The following TMEM132D variants were observed in gnomAD, a reference collection of about 807,000 sequenced individuals.
TMEM132D encodes transmembrane protein 132D, also known as mature OL transmembrane protein.
TMEM132D carries 21 observed loss-of-function variants against 62.3 expected under a neutral mutation model. The ratio of observed to expected loss-of-function variants is 0.34; its 90% CI spans 0.24 to 0.49. The LOEUF is 0.49. Among genes scored for constraint, TMEM132D ranks in the 20% least tolerant of loss-of-function variants. TMEM132D has a pLI of 0.99. For synonymous variants in TMEM132D, 621 were observed against 575.6 expected, an observed-to-expected ratio of 1.08 and a Z score of -1.13; for missense variants, 1,346 against 1,402.8, an observed-to-expected ratio of 0.96 and a Z score of 0.65.
chr12:129,244,364 C>A (rs7979189), intron 4 of TMEM132D, among the ~76,000 whole-genome samples: 1 of 135,578 alleles, frequency 7.4e-6, no homozygotes, highest in African/African-American at 2.8e-5. Context: ...CCAGCCTGGG[C>A]GACAGAGCGA....
intron 3 of TMEM132D, among the ~76,000 whole-genome samples, chr12:129,492,999 T>A (rs1192943396): frequency 3.3e-5 from 5 of 152,070 alleles, no homozygotes; most frequent in African/African-American, 1.2e-4. Context: ...CTGAGAATAA[T>A]TAAGCTGACA....
intron 2 of TMEM132D, among the ~76,000 whole-genome samples, chr12:129,535,770 TTGTGTGCGTGTG>T (rs1292955158): frequency 0.02 from 2,475 of 122,966 alleles, 72 homozygotes; most frequent in African/African-American, 0.07. Flanking sequence ...CATTTAAGAT[TTGTGTGCGTGTG>T]TGTGTGTGTG....
At chr12:129,314,370 G>T (rs1290442348) in intron 4 of TMEM132D, among the ~76,000 whole-genome samples, 1 of 152,158 alleles carries the variant, frequency 6.6e-6, no homozygotes, top group East Asian at 1.9e-4. Context: ...GTTGAAAAGG[G>T]TGTCCTTTCC....
At chr12:129,901,869 CG>C (rs151176375) in intron 1 of TMEM132D, among the ~76,000 whole-genome samples, 16,941 of 102,598 alleles carry the variant, frequency 0.17, 976 homozygotes, top group Middle Eastern at 0.35. Flanking sequence ...CAACCCCCCC[CG>C]CCCCAAAAAA....
chr12:129,573,031 A>G (rs1877560749), intron 2 of TMEM132D, among the ~76,000 whole-genome samples: 1 of 152,170 alleles, frequency 6.6e-6, no homozygotes, highest in Admixed American at 6.5e-5. Context: ...TTGGAATATT[A>G]CTCATATGCT....
chr12:129,765,652 C>T (rs59988670), intron 1 of TMEM132D, among the ~76,000 whole-genome samples: 1,889 of 152,130 alleles, frequency 0.012, 38 homozygotes, highest in African/African-American at 0.043. Flanking sequence ...TCCCTCTTCC[C>T]ATCTCCTTTT....
At chr12:129,418,660 T>A (rs1006334618) in intron 3 of TMEM132D, among the ~76,000 whole-genome samples, 5 of 152,106 alleles carry the variant, frequency 3.3e-5, no homozygotes, top group Admixed American at 2.6e-4. Flanking sequence ...CAAACCACCA[T>A]GGCACATGTA....
At chr12:129,403,396 A>C (rs1247105767) in intron 3 of TMEM132D, among the ~76,000 whole-genome samples, 1 of 151,610 alleles carries the variant, frequency 6.6e-6, no homozygotes, top group Non-Finnish European at 1.5e-5. Flanking sequence ...AGCAAGGACT[A>C]AACTTGCAAC....
chr12:129,680,632 C>A (rs888562504), intron 2 of TMEM132D, among the ~76,000 whole-genome samples: 20 of 152,114 alleles, frequency 1.3e-4, no homozygotes, highest in African/African-American at 4.6e-4. Flanking sequence ...AACTGTTATA[C>A]CCTCATAGCC....
intron 3 of TMEM132D, among the ~76,000 whole-genome samples, chr12:129,526,242 T>C (rs1363593772): frequency 6.6e-6 from 1 of 152,150 alleles, no homozygotes. Context: ...ATTGACAAAA[T>C]AGAGGTTGCT....
At chr12:129,879,255 C>T (rs1874521927) in intron 1 of TMEM132D, among the ~76,000 whole-genome samples, 2 of 152,160 alleles carry the variant, frequency 1.3e-5, no homozygotes, top group African/African-American at 4.8e-5. Context: ...ACATTAGAGT[C>T]AGATGGGAAG....
At chr12:129,552,432 TATCC>T (rs1876925309) in intron 2 of TMEM132D, among the ~76,000 whole-genome samples, 1 of 152,186 alleles carries the variant, frequency 6.6e-6, no homozygotes, top group Non-Finnish European at 1.5e-5. Flanking sequence ...ACCTAGCATC[TATCC>T]ATCTACCTAC....
intron 5 of TMEM132D, among the ~76,000 whole-genome samples, chr12:129,130,139 C>T (rs925211731): frequency 4.0e-5 from 6 of 151,488 alleles, no homozygotes; most frequent in African/African-American, 1.5e-4. Flanking sequence ...TCCCTGGAAC[C>T]CCTCTCTAGG....
At chr12:129,095,647 T>C (rs1056462280) in intron 5 of TMEM132D, among the ~76,000 whole-genome samples, 1 of 152,192 alleles carries the variant, frequency 6.6e-6, no homozygotes, top group Middle Eastern at 3.4e-3. Context: ...CCACTGTGCC[T>C]GGCCTGGTTT....
chr12:129,715,849 C>T (rs964390753), intron 1 of TMEM132D, among the ~76,000 whole-genome samples: 4 of 152,298 alleles, frequency 2.6e-5, no homozygotes, highest in South Asian at 2.1e-4. Flanking sequence ...TAGGCTATGA[C>T]GCTAGGAGTC....
At chr12:129,129,513 G>T (rs186119569) in intron 5 of TMEM132D, among the ~76,000 whole-genome samples, 2 of 152,278 alleles carry the variant, frequency 1.3e-5, no homozygotes, top group Admixed American at 1.3e-4. Flanking sequence ...CCCAGTGATG[G>T]GATTGTTGGG....
chr12:129,831,802 CTGTT>C (rs1872841102), intron 1 of TMEM132D, among the ~76,000 whole-genome samples: 1 of 151,932 alleles, frequency 6.6e-6, no homozygotes, highest in African/African-American at 2.4e-5. Flanking sequence ...AACCCCCAGG[CTGTT>C]TGTGCATGAC....
At chr12:129,440,412 G>A (rs59993949) in intron 3 of TMEM132D, among the ~76,000 whole-genome samples, 2,870 of 152,180 alleles carry the variant, frequency 0.019, 97 homozygotes, top group African/African-American at 0.064. Context: ...GTGAAAAGAC[G>A]GCCATTCTGT....
chr12:129,314,860 GTTATTTAT>G (rs60812899), intron 4 of TMEM132D, among the ~76,000 whole-genome samples: 1 of 151,746 alleles, frequency 6.6e-6, no homozygotes, highest in Non-Finnish European at 1.5e-5. Flanking sequence ...ATATTCCTAA[GTTATTTAT>G]TTATTTATTT....
Sources: allele counts gnomAD v4.1 joint callset (sites outside exome capture counted in the v4.1 genomes callset), GRCh38; gene constraint gnomAD v4.1.1; transcripts MANE v1.5; gene names NCBI Gene and HGNC (gene_info 2026-07-23, HGNC 2026-07-21).